The following ITGB2 variants were observed in gnomAD, a reference collection of about 807,000 sequenced individuals.
The protein encoded by ITGB2 is integrin beta-2.
Under a neutral mutation model 86.8 loss-of-function variants are expected in ITGB2, and 56 were observed. The observed-to-expected ratio is 0.65, with a 90% CI of 0.52 to 0.81. The LOEUF is 0.81. ITGB2 is among the 30% of genes least tolerant of loss of function. The pLI, the probability that ITGB2 is intolerant of heterozygous loss-of-function variation, is 0.00. For synonymous variants in ITGB2, 457 were observed against 450.4 expected, an observed-to-expected ratio of 1.01 and a Z score of -0.19; for missense variants, 948 against 1,061.2, an observed-to-expected ratio of 0.89 and a Z score of 1.48.
intron 5 of ITGB2, among the ~76,000 whole-genome samples, chr21:44,902,045 T>G (rs1346964762): frequency 6.6e-6 from 1 of 152,218 alleles, no homozygotes; most frequent in Non-Finnish European, 1.5e-5. Flanking sequence ...CGTATGTGTA[T>G]CTGTGTGTGC....
intron 1 of ITGB2, among the ~76,000 whole-genome samples, chr21:44,917,305 A>T (rs2084226147): frequency 6.6e-6 from 1 of 152,162 alleles, no homozygotes; most frequent in Non-Finnish European, 1.5e-5. Flanking sequence ...AAGTGAATTT[A>T]TGGGGAAAAA....
At chr21:44,888,269 G>A (rs575895344) in intron 14 of ITGB2, among the ~76,000 whole-genome samples, 128 of 152,346 alleles carry the variant, frequency 8.4e-4, no homozygotes, top group African/African-American at 2.7e-3. Flanking sequence ...GCTGAGAGCC[G>A]AGCACCAGGA....
Position 44,910,793 on chromosome 21 carries a change from G to C in ITGB2, c.-3-8C>G. The C allele has an allele frequency of 1.2e-6, 2 of 1,612,492 alleles. 1 individual carries two copies. Among genetic ancestry groups the C allele is most frequent in the South Asian group, 2.2e-5 (2 of 90,754 alleles). ...GCGCAGGCCCAGCATGTCCTGTGGAGGGAAGGGGTCTTGGTGACGGTCTCA... is the reference window on the plus strand; with the variant it reads ...GCGCAGGCCCAGCATGTCCTGTGGACGGAAGGGGTCTTGGTGACGGTCTCA... On this transcript the variant is annotated splice_region_variant and splice_polypyrimidine_tract_variant and intron_variant, in intron 1 of 15. Coordinates refer to ENST00000652462, the MANE Select transcript of ITGB2 (RefSeq NM_000211.5).
At position 44,897,092 on chromosome 21, in the gene ITGB2, G is replaced by A. The variant is rs534627970; in HGVS notation, c.993+1975C>T. Among the ~76,000 whole-genome samples the A allele has an allele frequency of 4.6e-5, 7 of 152,258 alleles. No individual in the cohort carries two copies. The East Asian group carries it at 9.7e-4, about 21-fold the overall frequency. ...CCTGACCAGCTCTGGGTGCCCACTC[G>A]GAGGGTCCCCCAGACACCTGCCCCC... On this transcript the variant is annotated intron_variant, in intron 8 of 15. Coordinates refer to ENST00000652462, the MANE Select transcript of ITGB2 (RefSeq NM_000211.5).
At chr21:44,920,130 A>C (rs1032866239) in intron 1 of ITGB2, among the ~76,000 whole-genome samples, 5 of 152,268 alleles carry the variant, frequency 3.3e-5, no homozygotes, top group Admixed American at 1.3e-4. Flanking sequence ...GTCCCAGAGG[A>C]GCATGGAGCA....
At chr21:44,899,019 T>C in intron 8 of ITGB2, 48 bp downstream of exon 8, 4 of 1,473,500 alleles carry the variant, frequency 2.7e-6, no homozygotes, top group Non-Finnish European at 3.8e-6. Flanking sequence ...GGCCTGTGGC[T>C]GAAACATGCC....
At chr21:44,895,869 ATGAAAT>A (rs2083858115) in intron 8 of ITGB2, among the ~76,000 whole-genome samples, 2 of 137,462 alleles carry the variant, frequency 1.5e-5, no homozygotes, top group African/African-American at 6.4e-5. Context: ...ATGAAATGAA[ATGAAAT>A]AAAAAAATAA....
intron 4 of ITGB2, 136 bp downstream of exon 4, chr21:44,906,779 A>C (rs2084048049): frequency 3.4e-6 from 3 of 879,546 alleles, no homozygotes; most frequent in Non-Finnish European, 5.5e-6. Flanking sequence ...TTGGGGCTTC[A>C]CTGGCCCACA....
chr21:44,919,701 C>T (rs1267226936), intron 1 of ITGB2, among the ~76,000 whole-genome samples: 1 of 152,242 alleles, frequency 6.6e-6, no homozygotes, highest in East Asian at 1.9e-4. Flanking sequence ...CGGCCATCCC[C>T]CCCCTTCCCC....
intron 1 of ITGB2, among the ~76,000 whole-genome samples, chr21:44,915,472 G>A (rs1030544357): frequency 5.3e-5 from 8 of 152,174 alleles, no homozygotes; most frequent in African/African-American, 1.2e-4. Context: ...AGAGGCACTC[G>A]CATCAAAGTG....
chr21:44,918,459 A>G (rs984664351), intron 1 of ITGB2, among the ~76,000 whole-genome samples: 3 of 152,216 alleles, frequency 2.0e-5, no homozygotes, highest in African/African-American at 7.2e-5. Context: ...TTCAAGTTAC[A>G]CGGTTGACTA....
chr21:44,894,149 C>A (rs1416232887), intron 9 of ITGB2: 3 of 175,242 alleles, frequency 1.7e-5, no homozygotes, highest in Non-Finnish European at 3.7e-5. Context: ...GACAGAAACA[C>A]CTCGGGCAGT....
intron 1 of ITGB2, among the ~76,000 whole-genome samples, chr21:44,918,963 T>A (rs1421343514): frequency 1.3e-5 from 2 of 152,022 alleles, no homozygotes; most frequent in Non-Finnish European, 2.9e-5. Context: ...CACTCGGAGC[T>A]GAGCGTCCCC....
At chr21:44,895,132 C>A (rs905924292) in intron 8 of ITGB2, 72 bp from the exon 9 acceptor site, 1 of 1,135,156 alleles carries the variant, frequency 8.8e-7, no homozygotes, top group Non-Finnish European at 1.3e-6. Context: ...CTGGGCTCAC[C>A]CCAGGGGCTT....
At chr21:44,924,226 T>A (rs1391849990), upstream of ITGB2, among the ~76,000 whole-genome samples, 1 of 150,098 alleles carries the variant, frequency 6.7e-6, no homozygotes, top group African/African-American at 2.4e-5. Flanking sequence ...GGTTAGGAGT[T>A]CAAGACCAGC....
intron 4 of ITGB2, among the ~76,000 whole-genome samples, chr21:44,906,236 C>T (rs2084041492): frequency 6.7e-6 from 1 of 150,306 alleles, no homozygotes; most frequent in Non-Finnish European, 1.5e-5. Context: ...GCCCTGTCGC[C>T]CAGGCTAAAG....
intron 5 of ITGB2, among the ~76,000 whole-genome samples, chr21:44,902,808 T>TTGTGTG (rs34031498): frequency 4.1e-4 from 62 of 152,006 alleles, no homozygotes; most frequent in African/African-American, 1.5e-3. Flanking sequence ...ATGCATTTGC[T>TTGTGTG]TGTGTGTGTG....
At chr21:44,915,976 G>A (rs1258991918) in intron 1 of ITGB2, among the ~76,000 whole-genome samples, 1 of 152,156 alleles carries the variant, frequency 6.6e-6, no homozygotes, top group African/African-American at 2.4e-5. Flanking sequence ...AGGCTGGAGT[G>A]CAATGGCTAG....
chr21:44,901,487 C>T lies in ITGB2; in HGVS notation c.741+5G>A, dbSNP rs774084329. On this transcript the variant is annotated splice_donor_5th_base_variant and intron_variant, in intron 6 of 15. Coordinates refer to ENST00000652462, the MANE Select transcript of ITGB2 (RefSeq NM_000211.5). ...TGGGGACCCAAGCAGGGGCAGCGGC[C>T]TCACCGGGCAGGCGGCGACCTGCAT... is the stretch of plus-strand genomic sequence containing the variant. The T allele has an allele frequency of 1.2e-6, 2 of 1,613,904 alleles. No homozygotes were observed. The highest frequency in any genetic ancestry group is 1.7e-6 in the Non-Finnish European group (2 of 1,179,938).
Sources: gnomAD v4.1 joint callset for allele counts (sites outside exome capture counted in the v4.1 genomes callset) on GRCh38, gnomAD v4.1.1 for gene constraint, MANE v1.5 for transcripts, NCBI Gene and HGNC (gene_info 2026-07-23, HGNC 2026-07-21) for gene names.